Variants in METTL25 observed in about 807,000 individuals in gnomAD.
The protein encoded by METTL25 is probable methyltransferase-like protein 25.
A neutral mutation model predicts 71.6 loss-of-function variants in METTL25; 64 were observed. That is an observed-to-expected ratio of 0.89 (90% CI 0.73 to 1.10). The LOEUF is 1.10. Ranked by LOEUF, METTL25 falls within the 50% of genes least tolerant of loss-of-function variation. The pLI is 0.00. For synonymous variants in METTL25, 287 were observed against 250.3 expected (o/e 1.15, Z -1.38); for missense variants, 807 against 707.0 (o/e 1.14, Z -1.60).
At chr12:82,423,479 T>C (rs1266134435) in intron 5 of METTL25, among the ~76,000 whole-genome samples, 1 of 152,140 alleles carries the variant, frequency 6.6e-6, no homozygotes, top group East Asian at 1.9e-4. Flanking sequence ...GACATAGGCA[T>C]GGGCAAGGAC....
At chr12:82,399,500 C>A in intron 4 of METTL25, 106 bp downstream of exon 4, 2 of 893,658 alleles carry the variant, frequency 2.2e-6, no homozygotes, top group South Asian at 1.8e-5. Context: ...ATTAATCTAA[C>A]AGACCAAGAA....
chr12:82,395,138 A>G (rs1304950746), intron 3 of METTL25, among the ~76,000 whole-genome samples: 1 of 152,048 alleles, frequency 6.6e-6, no homozygotes, highest in African/African-American at 2.4e-5. Context: ...TATGAAACAG[A>G]TATTTCCACT....
intron 6 of METTL25, 144 bp downstream of exon 6, chr12:82,431,131 A>G: frequency 2.2e-6 from 1 of 444,790 alleles, no homozygotes; most frequent in African/African-American, 2.0e-5. Flanking sequence ...TAAGAAAAAA[A>G]TGACTTGCCC....
chr12:82,429,095 T>A (rs1176703971), intron 5 of METTL25, among the ~76,000 whole-genome samples: 1 of 151,780 alleles, frequency 6.6e-6, no homozygotes, highest in Non-Finnish European at 1.5e-5. Flanking sequence ...ATATTGTTGT[T>A]AACTATAGCT....
At chr12:82,452,192 T>C (rs1447837572) in intron 8 of METTL25, among the ~76,000 whole-genome samples, 1 of 152,224 alleles carries the variant, frequency 6.6e-6, no homozygotes, top group Non-Finnish European at 1.5e-5. Context: ...GAATTTTCTT[T>C]TATAGCGCGT....
At chr12:82,430,113 CT>C (rs1250185539) in intron 5 of METTL25, among the ~76,000 whole-genome samples, 7 of 149,708 alleles carry the variant, frequency 4.7e-5, no homozygotes, top group African/African-American at 1.2e-4. Flanking sequence ...TTTATCTCGA[CT>C]TTTTTTTAAT....
intron 1 of METTL25, among the ~76,000 whole-genome samples, chr12:82,363,048 G>A (rs1882141892): frequency 6.6e-6 from 1 of 152,176 alleles, no homozygotes; most frequent in South Asian, 2.1e-4. Flanking sequence ...CCAGGTCAAG[G>A]TGGTGATGGC....
At chr12:82,362,064 G>T (rs189715330) in intron 1 of METTL25, among the ~76,000 whole-genome samples, 2 of 152,270 alleles carry the variant, frequency 1.3e-5, no homozygotes, top group East Asian at 3.9e-4. Context: ...ACAGATGTTC[G>T]GCACAATCAT....
At chr12:82,478,858 T>C in intron 11 of METTL25, 74 bp from the exon 12 acceptor site, 2 of 1,124,846 alleles carry the variant, frequency 1.8e-6, no homozygotes, top group Non-Finnish European at 2.6e-6. Flanking sequence ...TATATTACAA[T>C]ATATAATCCA....
intron 8 of METTL25, among the ~76,000 whole-genome samples, chr12:82,454,832 A>T (rs1443836865): frequency 6.6e-6 from 1 of 151,972 alleles, no homozygotes; most frequent in Admixed American, 6.6e-5. Flanking sequence ...TAATAAAAGC[A>T]AAATCTAGAC....
At chr12:82,387,215 G>A (rs910793480) in intron 2 of METTL25, among the ~76,000 whole-genome samples, 22 of 151,988 alleles carry the variant, frequency 1.4e-4, no homozygotes, top group Admixed American at 6.6e-4. Flanking sequence ...ACTGCAGATA[G>A]TTCCTGCCCC....
chr12:82,426,350 A>G (rs1169837659), intron 5 of METTL25, among the ~76,000 whole-genome samples: 1 of 152,038 alleles, frequency 6.6e-6, no homozygotes, highest in Non-Finnish European at 1.5e-5. Flanking sequence ...TTATGTAACC[A>G]CGTGGTGTCC....
chr12:82,362,021 A>G (rs1403637566), intron 1 of METTL25, among the ~76,000 whole-genome samples: 2 of 152,226 alleles, frequency 1.3e-5, no homozygotes, highest in Non-Finnish European at 1.5e-5. Context: ...CATAATTCCC[A>G]GAGCGCAATG....
intron 1 of METTL25, among the ~76,000 whole-genome samples, chr12:82,375,664 TAGTG>T (rs1883769961): frequency 6.6e-6 from 1 of 152,182 alleles, no homozygotes; most frequent in Admixed American, 6.5e-5. Context: ...TAGGCTGAAT[TAGTG>T]AGGTCCAGAA....
chr12:82,398,915 A>G lies in METTL25; in HGVS notation c.652A>G (p.Arg218Gly), dbSNP rs774250170. Residue 218 changes from arginine to glycine, a missense_variant, in exon 4 of 12, where the codon AGA (arginine) becomes GGA (glycine). Arg to Gly is a moderately radical substitution (Grantham distance 125). Transcript: ENST00000248306. ...TNTHGAEERN[R>G]KLKKHWKLCH... ...TACTCATGGAGCTGAGGAGAGAAAC[A>G]GAAAATTGAAGAAACATTGGAAACT... 6.2e-7 allele frequency: 1 copy of G among 1,612,702 alleles called. No homozygotes were observed. Among genetic ancestry groups the G allele is most frequent in the Non-Finnish European group, 8.5e-7 (1 of 1,179,612 alleles).
At chr12:82,474,229 A>G (rs1162769145) in intron 9 of METTL25, among the ~76,000 whole-genome samples, 1 of 152,122 alleles carries the variant, frequency 6.6e-6, no homozygotes, top group Non-Finnish European at 1.5e-5. Flanking sequence ...TGTAACAGGA[A>G]GTTTCTGCTG....
chr12:82,383,116 A>G (rs1884602520), intron 1 of METTL25, among the ~76,000 whole-genome samples: 1 of 152,110 alleles, frequency 6.6e-6, no homozygotes, highest in South Asian at 2.1e-4. Flanking sequence ...ATCACTGTAT[A>G]TTGATCTCTG....
Position 82,478,967 on chromosome 12 carries a change from T to C in METTL25, c.1755T>C (p.Phe585=). 1 of 1,612,846 alleles carries C rather than the reference T, an allele frequency of 6.2e-7. No homozygotes were observed. Among genetic ancestry groups the C allele is most frequent in the South Asian group, 1.1e-5 (1 of 91,026 alleles). The change falls in exon 12 of 12, where the codon TTT becomes TTC. Residue 585 remains phenylalanine (F), a synonymous_variant. Coordinates refer to ENST00000248306, the MANE Select transcript of METTL25 (RefSeq NM_032230.3). ...DIAWSALVKL[F]DPVKSPRCYA... The stretch of plus-strand genomic sequence containing the variant: ...CATGGTCTGCTCTTGTGAAGTTGTT[T>C]GATCCCGTGAAATCTCCCAGATGTT...
chr12:82,399,586 C>T (rs891574319), intron 4 of METTL25, among the ~76,000 whole-genome samples, 192 bp downstream of exon 4: 1 of 152,082 alleles, frequency 6.6e-6, no homozygotes, highest in Non-Finnish European at 1.5e-5. Flanking sequence ...AATAGAGTAT[C>T]CTCTACTCAT....
Sources: gnomAD v4.1 joint callset for allele counts (sites outside exome capture counted in the v4.1 genomes callset) on GRCh38, gnomAD v4.1.1 for gene constraint, MANE v1.5 for transcripts, NCBI Gene and HGNC (gene_info 2026-07-23, HGNC 2026-07-21) for gene names.